The following RAVER2 variants were observed in gnomAD, a reference collection of about 807,000 sequenced individuals.
The protein encoded by RAVER2 is ribonucleoprotein PTB-binding 2.
Under a neutral mutation model 78.1 loss-of-function variants are expected in RAVER2, and 46 were observed. The ratio of observed to expected loss-of-function variants is 0.59; its 90% CI spans 0.46 to 0.75. The LOEUF (loss-of-function observed/expected upper bound fraction) is 0.75, where lower values mean the gene tolerates loss of function less well. Ranked by LOEUF, RAVER2 falls within the 30% of genes least tolerant of loss-of-function variation. The pLI, the probability that RAVER2 is intolerant of heterozygous loss-of-function variation, is 0.00. For missense variants in RAVER2, 793 were observed against 837.5 expected, an observed-to-expected ratio of 0.95 and a Z score of 0.66; for synonymous variants, 311 against 313.3, an observed-to-expected ratio of 0.99 and a Z score of 0.08.
At chr1:64,806,441 C>T (rs1213992793) in intron 8 of RAVER2, among the ~76,000 whole-genome samples, 7 of 152,158 alleles carry the variant, frequency 4.6e-5, no homozygotes, top group African/African-American at 7.2e-5. Context: ...CCTTTTATTT[C>T]TTCCAGAATT....
chr1:64,824,555 A>AT (rs2100902069), intron 11 of RAVER2, among the ~76,000 whole-genome samples: 2 of 152,362 alleles, frequency 1.3e-5, no homozygotes, highest in Admixed American at 1.3e-4. Context: ...TTATCTATAT[A>AT]TTAACCCTAG....
At chr1:64,801,476 G>A (rs189246423) in intron 5 of RAVER2, among the ~76,000 whole-genome samples, 140 of 149,660 alleles carry the variant, frequency 9.4e-4, no homozygotes, top group Admixed American at 2.1e-3. Flanking sequence ...CTATCTCATG[G>A]TCCTCTTTGT....
chr1:64,820,375 A>C (rs1653855628), intron 11 of RAVER2, among the ~76,000 whole-genome samples: 1 of 152,180 alleles, frequency 6.6e-6, no homozygotes, highest in Non-Finnish European at 1.5e-5. Flanking sequence ...AATAGACTGC[A>C]TGCTCCATTT....
At chr1:64,776,703 A>AT (rs71749966) in intron 2 of RAVER2, among the ~76,000 whole-genome samples, 19,028 of 152,134 alleles carry the variant, frequency 0.13, 1,377 homozygotes, top group East Asian at 0.28. Flanking sequence ...ATTGCTATGT[A>AT]TTTTTTAATG....
chr1:64,831,634 T>C (rs528985800), exon 12 of RAVER2: 1 of 152,306 alleles, frequency 6.6e-6, no homozygotes, highest in East Asian at 1.9e-4. Context: ...AGAAGGTATT[T>C]TAAGAAAAGT....
chr1:64,784,753 C>A (rs1049370200), intron 4 of RAVER2, among the ~76,000 whole-genome samples: 13 of 152,188 alleles, frequency 8.5e-5, no homozygotes, highest in Non-Finnish European at 1.9e-4. Context: ...CAAACTAAAA[C>A]TATGTGAATC....
chr1:64,829,467 G>T (rs1251808637), intron 11 of RAVER2, among the ~76,000 whole-genome samples: 1 of 152,226 alleles, frequency 6.6e-6, no homozygotes, highest in African/African-American at 2.4e-5. Flanking sequence ...CAGCGAAGGG[G>T]CCCTAATGAA....
chr1:64,790,337 G>A (rs1320857410), intron 5 of RAVER2, among the ~76,000 whole-genome samples: 1 of 152,126 alleles, frequency 6.6e-6, no homozygotes, highest in Admixed American at 6.5e-5. Flanking sequence ...CCTCTGTCCA[G>A]TGTACCTACT....
intron 11 of RAVER2, among the ~76,000 whole-genome samples, chr1:64,826,601 C>T (rs1264693859): frequency 6.6e-6 from 1 of 152,084 alleles, no homozygotes; most frequent in Non-Finnish European, 1.5e-5. Context: ...AATTTAGGAC[C>T]TTTTAGGCCC....
At chr1:64,803,443 T>C (rs918457706) in intron 6 of RAVER2, among the ~76,000 whole-genome samples, 5 of 152,182 alleles carry the variant, frequency 3.3e-5, no homozygotes, top group Non-Finnish European at 5.9e-5. Context: ...TAATGACTAT[T>C]ATAAAAAATA....
intron 2 of RAVER2, among the ~76,000 whole-genome samples, chr1:64,770,924 G>A (rs1161637615): frequency 6.6e-6 from 1 of 151,884 alleles, no homozygotes; most frequent in Non-Finnish European, 1.5e-5. Context: ...AACATGAACA[G>A]AGTATCAGTG....
chr1:64,758,883 T>G (rs968002281), intron 1 of RAVER2, among the ~76,000 whole-genome samples: 3 of 152,018 alleles, frequency 2.0e-5, no homozygotes, highest in African/African-American at 7.2e-5. Context: ...CCAGGTGATA[T>G]TTGAAAGAAA....
At chr1:64,747,050 C>A (rs1173828707) in intron 1 of RAVER2, among the ~76,000 whole-genome samples, 2 of 152,156 alleles carry the variant, frequency 1.3e-5, no homozygotes, top group African/African-American at 4.8e-5. Flanking sequence ...TCTATTCTTG[C>A]TTTGCTGTTG....
Position 64,778,795 on chromosome 1 carries a change from C to T in RAVER2, c.786+703C>T, listed in dbSNP as rs1046071350. Among the ~76,000 whole-genome samples, 17 of 149,164 alleles carry T rather than the reference C, an allele frequency of 1.1e-4. No homozygotes were observed. The East Asian group carries it at 3.3e-3, about 29-fold the overall frequency. On this transcript the variant is annotated intron_variant, in intron 3 of 11. Transcript: ENST00000294428. ...TCTTGTTTCTCTCCATTTCTTCCTT[C>T]TCCGTTTTCCTTTTTACCGCACTCC...
At chr1:64,786,977 C>T (rs1159925710) in intron 4 of RAVER2, among the ~76,000 whole-genome samples, 2 of 152,054 alleles carry the variant, frequency 1.3e-5, no homozygotes, top group Non-Finnish European at 2.9e-5. Context: ...TGATCTGATT[C>T]ATGTAAAGTG....
chr1:64,804,737 T>C (rs1268837199), exon 7 of RAVER2: 5 of 1,387,340 alleles, frequency 3.6e-6, no homozygotes, highest in Non-Finnish European at 5.1e-6. Flanking sequence ...TTCACAGAGC[T>C]CAGTTATGGG....
chr1:64,798,178 G>GT (rs1290076454), intron 5 of RAVER2, among the ~76,000 whole-genome samples: 2 of 131,058 alleles, frequency 1.5e-5, no homozygotes, highest in East Asian at 2.2e-4. Flanking sequence ...GCGGTGTTTG[G>GT]TTTTTTGTTC....
At chr1:64,746,726 C>T (rs937070452) in intron 1 of RAVER2, among the ~76,000 whole-genome samples, 1 of 152,172 alleles carries the variant, frequency 6.6e-6, no homozygotes, top group African/African-American at 2.4e-5. Context: ...TGGTCCACTT[C>T]CCATCTGTCA....
intron 9 of RAVER2, among the ~76,000 whole-genome samples, chr1:64,807,918 G>T (rs1448226133): frequency 6.6e-6 from 1 of 152,102 alleles, no homozygotes; most frequent in East Asian, 1.9e-4. Flanking sequence ...GTTTGAAAAA[G>T]CTTAGGAGTA....
Sources: gnomAD v4.1 joint callset for allele counts (sites outside exome capture counted in the v4.1 genomes callset) on GRCh38, gnomAD v4.1.1 for gene constraint, MANE v1.5 for transcripts, NCBI Gene and HGNC (gene_info 2026-07-23, HGNC 2026-07-21) for gene names.